Variants in DDX50 observed in about 807,000 individuals in gnomAD.
DDX50 encodes the protein ATP-dependent RNA helicase DDX50.
DDX50 carries 56 observed loss-of-function variants against 94.8 expected under a neutral mutation model. The observed-to-expected ratio is 0.59, with a 90% CI of 0.48 to 0.74. DDX50 has a LOEUF of 0.74. Ranked by LOEUF, DDX50 falls within the 30% of genes least tolerant of loss-of-function variation. The pLI, the probability that DDX50 is intolerant of heterozygous loss-of-function variation, is 0.00. For missense variants in DDX50, 713 were observed against 881.2 expected (o/e 0.81, Z 2.42); for synonymous variants, 264 against 295.4 (o/e 0.89, Z 1.09).
chr10:68,945,270 A>G (rs1039369567), intron 14 of DDX50, among the ~76,000 whole-genome samples: 5 of 151,926 alleles, frequency 3.3e-5, no homozygotes, highest in Admixed American at 3.3e-4. Flanking sequence ...AGTATTGGAA[A>G]GAAAGATAGC....
chr10:68,920,053 CT>C, intron 8 of DDX50, 72 bp downstream of exon 8: 2 of 1,569,018 alleles, frequency 1.3e-6, no homozygotes, highest in Non-Finnish European at 1.7e-6. Flanking sequence ...TTATATTGTC[CT>C]TTGTGGACCA....
intron 7 of DDX50, among the ~76,000 whole-genome samples, chr10:68,914,927 A>C (rs1841738698): frequency 6.6e-6 from 1 of 151,350 alleles, no homozygotes; most frequent in South Asian, 2.1e-4. Context: ...AGGCTGAGGC[A>C]TGAGAATCAC....
rs1469523340 is a variant in DDX50 at position 68,923,750 on chromosome 10, G to A, written c.1239+3769G>A. On this transcript the variant is annotated intron_variant, in intron 8 of 14. Coordinates refer to ENST00000373585, the MANE Select transcript of DDX50 (RefSeq NM_024045.2). Reference sequence around the variant, plus strand: ...GTAGAGATGGGGTTTCACCATGTTGGGCAGGCTGGTCTCGAACTGCTGACC... The same window carrying A: ...GTAGAGATGGGGTTTCACCATGTTGAGCAGGCTGGTCTCGAACTGCTGACC... 2.6e-5 allele frequency among the ~76,000 whole-genome samples: 4 copies of A among 151,176 alleles called. No homozygotes were observed. In the East Asian group the frequency reaches 5.9e-4, roughly 22 times the overall value.
chr10:68,913,164 A>G lies in DDX50; in HGVS notation c.642A>G (p.Val214=), dbSNP rs748945647. The G allele has an allele frequency of 1.5e-5, 24 of 1,600,054 alleles. No homozygotes were observed. Among genetic ancestry groups the G allele is most frequent in the Non-Finnish European group, 2.0e-5 (23 of 1,176,492 alleles). The change falls in exon 5 of 15, where the codon GTA becomes GTG. Residue 214 remains valine, a splice_region_variant and synonymous_variant. Transcript: ENST00000373585. ...ETIKKSRSPK[V]LVLAPTRELA... The stretch of plus-strand genomic sequence containing the variant: ...TGTTTTTTAAACCTCTTGCTCAGGT[A>G]CTTGTTTTGGCTCCAACAAGGGAAC...
At chr10:68,931,597 C>T (rs1264073950) in intron 8 of DDX50, among the ~76,000 whole-genome samples, 2 of 151,208 alleles carry the variant, frequency 1.3e-5, no homozygotes, top group African/African-American at 4.9e-5. Flanking sequence ...CCCGCCACCA[C>T]ACCCGGCTAC....
At chr10:68,918,428 CTTTTTTTTTTTTTT>C (rs34777951) in intron 7 of DDX50, among the ~76,000 whole-genome samples, 1 of 57,090 alleles carries the variant, frequency 1.8e-5, no homozygotes, top group Non-Finnish European at 3.1e-5. Context: ...CCATTCCCTC[CTTTTTTTTTTTTTT>C]TTTTTTTTTT....
At chr10:68,928,603 A>G (rs1215565671) in intron 8 of DDX50, among the ~76,000 whole-genome samples, 1 of 152,200 alleles carries the variant, frequency 6.6e-6, no homozygotes, top group African/African-American at 2.4e-5. Context: ...ATAGAAGTAT[A>G]GATATGTATA....
At position 68,919,924 on chromosome 10, in the gene DDX50, T is replaced by A. The variant is rs1290952077; in HGVS notation, c.1182T>A (p.Ile394=). 1.2e-6 allele frequency: 2 copies of A among 1,614,074 alleles called. No homozygotes were observed. Among genetic ancestry groups the A allele is most frequent in the Non-Finnish European group, 1.7e-6 (2 of 1,180,014 alleles). The change falls in exon 8 of 15, where the codon ATT becomes ATA. Residue 394 remains isoleucine (I), a synonymous_variant. Coordinates refer to ENST00000373585, the MANE Select transcript of DDX50 (RefSeq NM_024045.2). ...GTGGGTCTGAAGGGAGGGCTATTAT[T>A]TTCTGTGAGACCAAGAAGAATGTAA... ...VYSGSEGRAI[I]FCETKKNVTE...
intron 7 of DDX50, among the ~76,000 whole-genome samples, chr10:68,918,860 A>G (rs1841873071): frequency 6.6e-6 from 1 of 152,258 alleles, no homozygotes; most frequent in Non-Finnish European, 1.5e-5. Context: ...GACCATATAT[A>G]TGATGGCATA....
chr10:68,922,102 T>C (rs1027365958), intron 8 of DDX50, among the ~76,000 whole-genome samples: 2 of 152,212 alleles, frequency 1.3e-5, no homozygotes, highest in African/African-American at 2.4e-5. Flanking sequence ...AGGACTCTTG[T>C]TGTGCATATA....
chr10:68,916,799 C>T (rs1347300555), intron 7 of DDX50, among the ~76,000 whole-genome samples: 2 of 152,192 alleles, frequency 1.3e-5, no homozygotes, highest in African/African-American at 4.8e-5. Flanking sequence ...TTCCTCCTGC[C>T]TCAGCCTCCT....
Position 68,946,528 on chromosome 10 carries a change from G to A in DDX50, c.2112G>A (p.Gln704=). The change falls in exon 15 of 15, where the codon CAG becomes CAA. Residue 704 remains glutamine (Q), a synonymous_variant. Coordinates refer to ENST00000373585, the MANE Select transcript of DDX50 (RefSeq NM_024045.2). ...GATCTGGCGGCCGGTCAGGTAGACA[G>A]AGTCGACAAGGAAGTCGCTCAGGAA... ...GGRSGGRSGR[Q]SRQGSRSGSR... The A allele has an allele frequency of 1.2e-6, 2 of 1,614,250 alleles. No homozygotes were observed. The highest frequency in any genetic ancestry group is 1.7e-5 in the Admixed American group (1 of 60,026).
At chr10:68,921,816 T>C (rs1375623845) in intron 8 of DDX50, among the ~76,000 whole-genome samples, 1 of 152,214 alleles carries the variant, frequency 6.6e-6, no homozygotes, top group Non-Finnish European at 1.5e-5. Flanking sequence ...CTTTACTGTT[T>C]TTGGAATAAA....
intron 1 of DDX50, among the ~76,000 whole-genome samples, chr10:68,904,095 G>C (rs919751370): frequency 3.3e-5 from 5 of 149,952 alleles, no homozygotes; most frequent in Admixed American, 6.7e-5. Flanking sequence ...AGTGAGCCAA[G>C]ATCACGTCAT....
intron 8 of DDX50, among the ~76,000 whole-genome samples, chr10:68,933,105 GT>G (rs138477248): frequency 0.078 from 11,103 of 142,524 alleles, 547 homozygotes; most frequent in African/African-American, 0.14. Context: ...CTTCACTCTT[GT>G]CCCCCAGGCT....
chr10:68,945,365 G>A (rs1842647294), intron 14 of DDX50, among the ~76,000 whole-genome samples: 1 of 151,824 alleles, frequency 6.6e-6, no homozygotes, highest in Non-Finnish European at 1.5e-5. Context: ...GGAGTGTAGT[G>A]GCACGATCTC....
chr10:68,934,124 A>G lies in DDX50; in HGVS notation c.1240-75A>G. 1 of 1,405,118 alleles carries G rather than the reference A, an allele frequency of 7.1e-7. No individual in the cohort carries two copies. Among genetic ancestry groups the G allele is most frequent in the Non-Finnish European group, 9.6e-7 (1 of 1,044,544 alleles). 87.0% of individuals were successfully genotyped at this position (1,405,118 alleles called of 1,614,324 possible). A position where few individuals can be genotyped will look rare whatever the true frequency, so the allele number is the denominator to read the frequency against. On this transcript the variant is annotated intron_variant, in intron 8 of 14. Transcript: ENST00000373585. The surrounding 1 kb of genome is among the most constrained non-coding windows in gnomAD (Gnocchi z 4.0). The stretch of plus-strand genomic sequence containing the variant: ...AGATTTAAAAACATGCAAAAGGAGC[A>G]CAGACTAGATGTTGTTGTGCTATCA...
intron 11 of DDX50, among the ~76,000 whole-genome samples, chr10:68,936,660 G>A (rs1010080958): frequency 2.0e-5 from 3 of 149,932 alleles, no homozygotes; most frequent in Non-Finnish European, 4.4e-5. Flanking sequence ...CCAACATGGC[G>A]AAACCTTGTC....
chr10:68,913,686 C>A, intron 6 of DDX50, 110 bp downstream of exon 6: 1 of 1,033,010 alleles, frequency 9.7e-7, no homozygotes, highest in South Asian at 1.8e-5. Context: ...TCTAACAAAA[C>A]TAAAATAATT....
Sources: allele counts gnomAD v4.1 joint callset (sites outside exome capture counted in the v4.1 genomes callset), GRCh38; gene constraint gnomAD v4.1.1; non-coding constraint Gnocchi (gnomAD v3.1); transcripts MANE v1.5; gene names NCBI Gene and HGNC (gene_info 2026-07-23, HGNC 2026-07-21).